Variants in GALNT9 observed in about 807,000 individuals in gnomAD.
GALNT9 encodes the protein GalNAc transferase 9.
In GALNT9, 47 loss-of-function variants were observed where a neutral mutation model predicts 63.1. The ratio of observed to expected loss-of-function variants is 0.75; its 90% CI spans 0.59 to 0.95. The LOEUF (loss-of-function observed/expected upper bound fraction) is 0.95. Ranked by LOEUF, GALNT9 falls within the 40% of genes least tolerant of loss-of-function variation. GALNT9 has a pLI of 0.00. For missense variants in GALNT9, 829 were observed against 874.8 expected, an observed-to-expected ratio of 0.95 and a Z score of 0.66; for synonymous variants, 396 against 365.7, an observed-to-expected ratio of 1.08 and a Z score of -0.94.
At chr12:132,278,621 C>A (rs1446967887) in intron 2 of GALNT9, 1 of 152,216 alleles carries the variant, frequency 6.6e-6, no homozygotes, top group African/African-American at 2.4e-5. Context: ...TGTCTCCAGC[C>A]GCTGGTTTAG....
At chr12:132,294,709 G>A (rs376680393) in intron 1 of GALNT9, among the ~76,000 whole-genome samples, 24 of 152,176 alleles carry the variant, frequency 1.6e-4, no homozygotes, top group African/African-American at 5.8e-4. Flanking sequence ...GTGCAGACCC[G>A]GGGCAGCCTC....
At chr12:132,248,857 T>C (rs1878811403) in intron 5 of GALNT9, among the ~76,000 whole-genome samples, 3 of 152,258 alleles carry the variant, frequency 2.0e-5, no homozygotes, top group Non-Finnish European at 4.4e-5. Flanking sequence ...GCATCAGTGC[T>C]GCAAATCCCC....
chr12:132,244,753 A>ATGGGGGGG lies in GALNT9; in HGVS notation c.1077+3156_1077+3157insCCCCCCCA, dbSNP rs1555237859. ...TGGGGGGGCGTGGTGATGGGGCTGG[A>ATGGGGGGG]CGGGGGCGTGGTGATGGGGCTGGAC... On this transcript the variant is annotated intron_variant, in intron 6 of 10. Transcript: ENST00000328957. Among the ~76,000 whole-genome samples the ATGGGGGGG allele has an allele frequency of 8.2e-4, 25 of 30,406 alleles. 2 individuals carry two copies. The highest frequency in any genetic ancestry group is 4.5e-3 in the African/African-American group (24 of 5,318). 19.9% of individuals were successfully genotyped at this position (30,406 alleles called of 152,430 possible). A position where few individuals can be genotyped will look rare whatever the true frequency, so the allele number is the denominator to read the frequency against.
intron 6 of GALNT9, among the ~76,000 whole-genome samples, chr12:132,230,206 C>G (rs1034389605): frequency 3.3e-5 from 5 of 152,186 alleles, no homozygotes; most frequent in Admixed American, 6.5e-5. Flanking sequence ...CCGGAGTCCA[C>G]GCACCCCCTG....
chr12:132,284,274 C>T (rs1880498829), intron 2 of GALNT9: 2 of 151,764 alleles, frequency 1.3e-5, no homozygotes, highest in African/African-American at 4.9e-5. Context: ...GGTGCACACG[C>T]ACACACCCAC....
At chr12:132,221,675 A>G (rs1423021715) in intron 6 of GALNT9, among the ~76,000 whole-genome samples, 1 of 150,606 alleles carries the variant, frequency 6.6e-6, no homozygotes, top group Non-Finnish European at 1.5e-5. Flanking sequence ...AAAAAAAAAA[A>G]AAAGCAAGCA....
At chr12:132,299,684 C>T (rs921693427) in intron 1 of GALNT9, among the ~76,000 whole-genome samples, 8 of 141,926 alleles carry the variant, frequency 5.6e-5, no homozygotes, top group South Asian at 2.6e-4. Context: ...CACACCTAAC[C>T]CATCCCTGAG....
At position 132,265,144 on chromosome 12, in the gene GALNT9, A is replaced by G. The variant is rs782639129; in HGVS notation, c.420-2519T>C. On this transcript the variant is annotated intron_variant, in intron 2 of 10. Transcript: ENST00000328957. This position sits in a 1 kb window ranked among gnomAD's most constrained non-coding sequence, Gnocchi z 5.3. ...CTCAACCCAGCCCCAAGAAAAAGAT[A>G]AAGGAGCGCAAAGATTTTCCAACAA... Among the ~76,000 whole-genome samples the G allele has an allele frequency of 2.0e-5, 3 of 152,226 alleles. No individual in the cohort carries two copies. The highest frequency in any genetic ancestry group is 4.4e-5 in the Non-Finnish European group (3 of 68,036).
intron 1 of GALNT9, among the ~76,000 whole-genome samples, chr12:132,302,976 G>A (rs920966272): frequency 1.3e-5 from 2 of 152,088 alleles, no homozygotes; most frequent in African/African-American, 2.4e-5. Context: ...TAAGGGGGGC[G>A]AGGGTGGAAC....
intron 9 of GALNT9, among the ~76,000 whole-genome samples, chr12:132,198,494 C>T (rs531594132): frequency 2.0e-5 from 3 of 151,630 alleles, no homozygotes; most frequent in South Asian, 4.2e-4. Flanking sequence ...GGGGAGTGCT[C>T]GGAGGTCAAC....
rs781888420 is a variant in GALNT9 at position 132,262,525 on chromosome 12, C to T, written c.520G>A (p.Val174Met). The change falls in exon 3 of 11, where the codon GTG (valine) becomes ATG (methionine). Residue 174 changes from valine to methionine, a missense_variant. By Grantham distance (21) the Val-to-Met change is conservative (BLOSUM62 1). Transcript: ENST00000328957. ...LSVILRSVHS[V>M]VNHTPSQLLK... ...AGCTGGGAGGGCGTGTGGTTGACCA[C>T]GCTGTGCACGGAGCGCAGGATGACC... The T allele has an allele frequency of 2.3e-5, 35 of 1,551,376 alleles. No homozygotes were observed. Among genetic ancestry groups the T allele is most frequent in the Admixed American group, 1.6e-4 (8 of 50,974 alleles).
rs545746813 is a variant in GALNT9 at position 132,260,911 on chromosome 12, C to T, written c.761+37G>A. The T allele has an allele frequency of 8.1e-6, 12 of 1,488,324 alleles. No homozygotes were observed. The Admixed American group carries it at 1.0e-4, about 13-fold the overall frequency. The allele number at this position is 1,488,324 out of a possible 1,614,324, so 92.2% of individuals were successfully genotyped here. A position where few individuals can be genotyped will look rare whatever the true frequency, so the allele number is the denominator to read the frequency against. Reference sequence around the variant, plus strand: ...AGGAGGGGGATGGTGGAGGGGGACCCGCTGAGACTGGCTGTCCAGCCTGTT... The same window carrying T: ...AGGAGGGGGATGGTGGAGGGGGACCTGCTGAGACTGGCTGTCCAGCCTGTT... On this transcript the variant is annotated intron_variant, in intron 4 of 10. Transcript: ENST00000328957.
At chr12:132,261,444 T>TG (rs1478643381) in intron 3 of GALNT9, among the ~76,000 whole-genome samples, 1 of 152,124 alleles carries the variant, frequency 6.6e-6, no homozygotes, top group East Asian at 1.9e-4. Context: ...CATGCATGGA[T>TG]GGGTGGACAC....
At chr12:132,272,199 C>T (rs564743772) in intron 2 of GALNT9, among the ~76,000 whole-genome samples, 1 of 152,300 alleles carries the variant, frequency 6.6e-6, no homozygotes, top group South Asian at 2.1e-4. Flanking sequence ...GCTTCTGTTA[C>T]GAGCGAGCAG....
At position 132,267,188 on chromosome 12, in the gene GALNT9, A is replaced by C. The variant is rs564031037; in HGVS notation, c.420-4563T>G. On this transcript the variant is annotated intron_variant, in intron 2 of 10. Coordinates refer to ENST00000328957, the MANE Select transcript of GALNT9 (RefSeq NM_001122636.2). Reference sequence around the variant, plus strand: ...TGAGCAGCCGAGAGGAGGGCTGGGGAATGAGGGCAGGGAAGGAGGCAGGCA... The same window carrying C: ...TGAGCAGCCGAGAGGAGGGCTGGGGCATGAGGGCAGGGAAGGAGGCAGGCA... Among the ~76,000 whole-genome samples the C allele has an allele frequency of 2.0e-5, 3 of 147,114 alleles. No homozygotes were observed. The South Asian group carries it at 6.2e-4, about 31-fold the overall frequency.
Position 132,286,223 on chromosome 12 carries a change from G to T in GALNT9, c.419+27C>A. 1 of 1,536,300 alleles carries T rather than the reference G, an allele frequency of 6.5e-7. No individual in the cohort carries two copies. The highest frequency in any genetic ancestry group is 8.8e-7 in the Non-Finnish European group (1 of 1,137,344). On this transcript the variant is annotated intron_variant, in intron 2 of 10. Coordinates refer to ENST00000328957, the MANE Select transcript of GALNT9 (RefSeq NM_001122636.2). This position sits in a 1 kb window ranked among gnomAD's most constrained non-coding sequence, Gnocchi z 7.4. ...GCGGTCACTTCCTCGGCGGGCGTCG[G>T]GGGATGGGGGGCAGTCACTCACTCA...
chr12:132,197,340 A>C, intron 10 of GALNT9, 87 bp from the exon 11 acceptor site: 4 of 1,550,996 alleles, frequency 2.6e-6, no homozygotes, highest in Non-Finnish European at 3.5e-6. Context: ...TCGTGCTCTC[A>C]GCCCTCGTGC....
chr12:132,216,151 G>A (rs1877181454), intron 6 of GALNT9, among the ~76,000 whole-genome samples: 1 of 152,044 alleles, frequency 6.6e-6, no homozygotes, highest in African/African-American at 2.4e-5. Context: ...GAGACACAGA[G>A]ATGGAGAGAC....
intron 1 of GALNT9, among the ~76,000 whole-genome samples, chr12:132,289,103 C>T (rs28433145): frequency 0.048 from 7,316 of 152,228 alleles, 259 homozygotes; most frequent in South Asian, 0.13. Flanking sequence ...CACAGTCATG[C>T]GTGGCAATCC....
Sources: gnomAD v4.1 joint callset for allele counts (sites outside exome capture counted in the v4.1 genomes callset) on GRCh38, gnomAD v4.1.1 for gene constraint, Gnocchi (gnomAD v3.1) non-coding constraint, MANE v1.5 for transcripts, NCBI Gene and HGNC (gene_info 2026-07-23, HGNC 2026-07-21) for gene names.